ARVCF: variants seen among roughly 807,000 people sequenced by gnomAD.
The protein encoded by ARVCF is splicing regulator ARVCF.
In ARVCF, 66 loss-of-function variants were observed where a neutral mutation model predicts 90.9. The ratio of observed to expected loss-of-function variants is 0.73; its 90% CI spans 0.60 to 0.89. The LOEUF (loss-of-function observed/expected upper bound fraction) is 0.89. Ranked by LOEUF, ARVCF falls within the 40% of genes least tolerant of loss-of-function variation. The pLI is 0.00. For synonymous variants in ARVCF, 653 were observed against 603.4 expected, an observed-to-expected ratio of 1.08 and a Z score of -1.21; for missense variants, 1,469 against 1,382.3, an observed-to-expected ratio of 1.06 and a Z score of -1.00.
At chr22:19,967,564 G>A (rs1466231770), downstream of ARVCF, 8 of 368,720 alleles carry the variant, frequency 2.2e-5, no homozygotes, top group South Asian at 1.0e-4. Flanking sequence ...GGAAACGACC[G>A]CCACCCACCA....
At chr22:19,974,656 G>C (rs1225538650) in intron 11 of ARVCF, among the ~76,000 whole-genome samples, 1 of 151,936 alleles carries the variant, frequency 6.6e-6, no homozygotes, top group East Asian at 1.9e-4. Flanking sequence ...GTATAACCAA[G>C]GCCACACCCC....
intron 2 of ARVCF, among the ~76,000 whole-genome samples, chr22:19,999,234 G>A (rs1292528578): frequency 6.6e-6 from 1 of 152,188 alleles, no homozygotes; most frequent in Non-Finnish European, 1.5e-5. Flanking sequence ...CTGCATGTGG[G>A]CGCCCTGCCT....
At chr22:19,997,808 T>C (rs191387808) in intron 2 of ARVCF, among the ~76,000 whole-genome samples, 95 of 152,268 alleles carry the variant, frequency 6.2e-4, no homozygotes, top group African/African-American at 2.3e-3. Flanking sequence ...AGAGGTGTAG[T>C]GCCCTACTAA....
At chr22:19,994,394 A>G (rs1431865584) in intron 2 of ARVCF, among the ~76,000 whole-genome samples, 1 of 142,416 alleles carries the variant, frequency 7.0e-6, no homozygotes, top group Non-Finnish European at 1.5e-5. Flanking sequence ...TGGAGGATGA[A>G]CAAATAAATG....
chr22:19,987,555 G>C (rs926615569), intron 3 of ARVCF, among the ~76,000 whole-genome samples: 11 of 152,036 alleles, frequency 7.2e-5, no homozygotes, highest in Non-Finnish European at 1.6e-4. Flanking sequence ...AAACAGTTCC[G>C]GCAGGGCAGG....
chr22:19,995,432 G>A (rs1297038562), intron 2 of ARVCF, among the ~76,000 whole-genome samples: 2 of 151,958 alleles, frequency 1.3e-5, no homozygotes, highest in Non-Finnish European at 2.9e-5. Context: ...GGAAATGCTG[G>A]AACCTCACTA....
chr22:19,982,160 C>T, intron 3 of ARVCF, 69 bp from the exon 4 acceptor site: 1 of 1,571,540 alleles, frequency 6.4e-7, no homozygotes, highest in Non-Finnish European at 8.6e-7. Flanking sequence ...GGTCTCCACA[C>T]ACAGCAGCTC....
Position 19,981,210 on chromosome 22 carries a change from C to T in ARVCF, c.896+1G>A, listed in dbSNP as rs1249501354. The T allele has an allele frequency of 6.5e-7, 1 of 1,532,198 alleles. No individual in the cohort carries two copies. Among genetic ancestry groups the T allele is most frequent in the Admixed American group, 2.0e-5 (1 of 49,168 alleles). 94.9% of individuals were successfully genotyped at this position (1,532,198 alleles called of 1,614,324 possible). A position where few individuals can be genotyped will look rare whatever the true frequency, so the allele number is the denominator to read the frequency against. ...GCCACAGGGGACGGGGTGCAGCTCA[C>T]CTGGTATGAAGGCCCCGCCCACACT... On this transcript the variant is annotated splice_donor_variant, in intron 5 of 19. Transcript: ENST00000263207. LOFTEE classifies it high-confidence loss of function.
At chr22:19,990,891 C>G in intron 2 of ARVCF, 79 bp from the exon 3 acceptor site, 2 of 1,392,962 alleles carry the variant, frequency 1.4e-6, no homozygotes, top group Non-Finnish European at 2.0e-6. Context: ...CCGCCCCACT[C>G]ACAGACCATA....
At chr22:19,985,456 C>A (rs1204693525) in intron 3 of ARVCF, among the ~76,000 whole-genome samples, 1 of 152,248 alleles carries the variant, frequency 6.6e-6, no homozygotes, top group Non-Finnish European at 1.5e-5. Flanking sequence ...CCCGGGAACA[C>A]AGGGCTGAGC....
chr22:19,996,006 C>T (rs1944238213), intron 2 of ARVCF, among the ~76,000 whole-genome samples: 1 of 152,164 alleles, frequency 6.6e-6, no homozygotes, highest in African/African-American at 2.4e-5. Context: ...TGTGGGGGCC[C>T]CATGTTTACC....
chr22:20,002,968 C>G (rs1944496962), intron 2 of ARVCF, among the ~76,000 whole-genome samples: 2 of 151,934 alleles, frequency 1.3e-5, no homozygotes, highest in South Asian at 4.1e-4. Context: ...ATCCAAGAAC[C>G]ACAAAACAAA....
intron 3 of ARVCF, among the ~76,000 whole-genome samples, chr22:19,989,878 C>T (rs1943961905): frequency 6.6e-6 from 1 of 152,162 alleles, no homozygotes; most frequent in Non-Finnish European, 1.5e-5. Flanking sequence ...ACTGTGCTAG[C>T]CCTCAGTCAG....
Position 19,970,422 on chromosome 22 carries a change from C to T in ARVCF, c.*334G>A. ...TCCCAGGGGCACCCTCCTATCCCAC[C>T]AGCCCCAAAGCCCAGCCAGGCACCC... On this transcript the variant is annotated 3_prime_UTR_variant, in exon 20 of 20. Coordinates refer to ENST00000263207, the MANE Select transcript of ARVCF (RefSeq NM_001670.3). 3 of 1,083,784 alleles carry T rather than the reference C, an allele frequency of 2.8e-6. No individual in the cohort carries two copies. Among genetic ancestry groups the T allele is most frequent in the Non-Finnish European group, 3.4e-6 (3 of 883,616 alleles). The allele number at this position is 1,083,784 out of a possible 1,614,324, so 67.1% of individuals were successfully genotyped here.
In ARVCF at chr22:19,972,391, G is replaced by A. The variant is rs752026069; in HGVS notation, c.2662C>T (p.Arg888Trp). ...KSLEGEKTGS[R>W]DVIPMDALGP... is the part of the protein sequence containing the mutation. ...AGCGCATCCATGGGGATCACATCCC[G>A]GCTGCCAGTTTTCTCGCCCTCTGCA... The change falls in exon 17 of 20, where the codon CGG (arginine) becomes TGG (tryptophan). Residue 888 changes from arginine to tryptophan, a missense_variant. Arg to Trp is a moderately radical substitution (Grantham distance 101, BLOSUM62 -3). Transcript: ENST00000263207. 25 of 1,613,508 alleles carry A rather than the reference G, an allele frequency of 1.5e-5. No homozygotes were observed. The highest frequency in any genetic ancestry group is 1.6e-4 in the Middle Eastern group (1 of 6,084).
At chr22:20,014,806 C>T (rs1428688630) in intron 1 of ARVCF, among the ~76,000 whole-genome samples, 1 of 152,220 alleles carries the variant, frequency 6.6e-6, no homozygotes, top group East Asian at 1.9e-4. Context: ...GCTGCTCCTG[C>T]ACCTTCTGTC....
In ARVCF at chr22:20,008,931, G is replaced by T. The variant is rs555676944; in HGVS notation, c.-19+1524C>A. On this transcript the variant is annotated intron_variant, in intron 2 of 19. Transcript: ENST00000263207. ...AGAGAAGACCAAGAACTGGAGGGGG[G>T]AGGGAAAAGAAGGGACAAGAAAGGA... 2.8e-4 allele frequency among the ~76,000 whole-genome samples: 43 copies of T among 152,294 alleles called. No individual in the cohort carries two copies. In the South Asian group the frequency reaches 8.7e-3, roughly 31 times the overall value.
At chr22:19,990,499 C>A (rs4819527) in intron 3 of ARVCF, 86 bp downstream of exon 3, 1 of 1,445,096 alleles carries the variant, frequency 6.9e-7, no homozygotes, top group Non-Finnish European at 9.4e-7. Flanking sequence ...AATAAGCGAG[C>A]GCATGCTGGC....
chr22:19,979,709 C>T, intron 6 of ARVCF, 34 bp downstream of exon 6: 1 of 1,562,060 alleles, frequency 6.4e-7, no homozygotes, highest in Non-Finnish European at 8.7e-7. Flanking sequence ...TCTTCTCTTC[C>T]CAGGGGATGT....
Sources: gnomAD v4.1 joint callset for allele counts (sites outside exome capture counted in the v4.1 genomes callset) on GRCh38, gnomAD v4.1.1 for gene constraint, MANE v1.5 for transcripts, NCBI Gene and HGNC (gene_info 2026-07-23, HGNC 2026-07-21) for gene names.